The following WASHC2A variants were observed in gnomAD, a reference collection of about 807,000 sequenced individuals.
WASHC2A encodes WASH complex subunit FAM21A.
WASHC2A carries 82 observed loss-of-function variants against 140.3 expected under a neutral mutation model. The ratio of observed to expected loss-of-function variants is 0.58; its 90% confidence interval spans 0.49 to 0.70. The LOEUF (loss-of-function observed/expected upper bound fraction) is 0.70. Ranked by LOEUF, WASHC2A falls within the 30% of genes least tolerant of loss-of-function variation. WASHC2A has a pLI of 0.00. For synonymous variants in WASHC2A, 340 were observed against 560.8 expected (o/e 0.61, Z 5.56); for missense variants, 985 against 1,521.8 (o/e 0.65, Z 5.87).
At chr10:50,080,977 G>A in intron 5 of WASHC2A, 46 bp downstream of exon 5, 1 of 384,844 alleles carries the variant, frequency 2.6e-6, no homozygotes, top group South Asian at 2.2e-5. Context: ...TATTATGTTT[G>A]GGCTACTTTA....
At position 50,095,796 on chromosome 10, in the gene WASHC2A, C is replaced by T. The variant is rs1265791858; in HGVS notation, c.1420+18C>T. Reference sequence around the variant, plus strand: ...TAAAACAGGTATGTGTTCCTGCCTCCGTTTCTAGGACTTCAGCCAGAAAAA... The same window carrying T: ...TAAAACAGGTATGTGTTCCTGCCTCTGTTTCTAGGACTTCAGCCAGAAAAA... On this transcript the variant is annotated intron_variant, in intron 15 of 30. Transcript: ENST00000282633. The T allele has an allele frequency of 6.1e-4, 967 of 1,591,910 alleles. 4 individuals carry two copies. The African/African-American group carries it at 0.011, about 18-fold the overall frequency.
chr10:50,114,452 A>G (rs1589259279), intron 21 of WASHC2A, among the ~76,000 whole-genome samples: 1 of 121,504 alleles, frequency 8.2e-6, no homozygotes, highest in Admixed American at 9.0e-5. Context: ...GTCCTAGTAC[A>G]GTTAGACTGT....
In WASHC2A at chr10:50,129,531, C is replaced by T; in HGVS notation, c.3200C>T (p.Ala1067Val). 2 of 1,612,018 alleles carry T rather than the reference C, an allele frequency of 1.2e-6. No homozygotes were observed. Among genetic ancestry groups the T allele is most frequent in the Admixed American group, 1.7e-5 (1 of 60,016 alleles). ...EDMSVPRGPI[A>V]QWADGAISPN... ...ATGAGCGTCCCCAGAGGACCCATTG[C>T]ACAGTGGGCTGATGGCGCCATTTCC... The change falls in exon 29 of 31, where the codon GCA becomes GTA. Residue 1067 changes from alanine to valine, a missense_variant. Coordinates refer to ENST00000282633, the MANE Select transcript of WASHC2A (RefSeq NM_001005751.3).
At chr10:50,076,220 C>T (rs1187785498) in intron 3 of WASHC2A, among the ~76,000 whole-genome samples, 11 of 152,328 alleles carry the variant, frequency 7.2e-5, no homozygotes, top group Non-Finnish European at 1.2e-4. Flanking sequence ...GGATTACAGG[C>T]GTGAGCCTCC....
At chr10:50,111,898 C>T (rs1842319216) in intron 20 of WASHC2A, among the ~76,000 whole-genome samples, 4 of 152,164 alleles carry the variant, frequency 2.6e-5, no homozygotes, top group South Asian at 2.1e-4. Context: ...CGTCATGTCA[C>T]GCACCTGTAA....
rs200437064 is a variant in WASHC2A, at chr10:50,092,189, G to A, written c.959G>A (p.Arg320Gln). 9,378 of 1,595,540 alleles carry A rather than the reference G, an allele frequency of 5.9e-3. 28 individuals carry two copies. The highest frequency in any genetic ancestry group is 5.8e-3 in the Non-Finnish European group (6,834 of 1,168,530). ...TTLPSGEAKPRKTLKEKKERR... is the reference protein window; with the variant it reads ...TTLPSGEAKPQKTLKEKKERR... The stretch of plus-strand genomic sequence containing the variant: ...TTACCCTCAGGAGAAGCAAAACCTC[G>A]GAAGACACTCAAAGAGAAGAAGGAA... Residue 320 changes from arginine (R) to glutamine (Q), a missense_variant, in exon 11 of 31, where the codon CGG becomes CAG. Coordinates refer to ENST00000282633, the MANE Select transcript of WASHC2A (RefSeq NM_001005751.3).
chr10:50,129,878 G>C lies in WASHC2A; in HGVS notation c.3547G>C (p.Asp1183His), dbSNP rs1451456135. 3 of 1,611,922 alleles carry C rather than the reference G, an allele frequency of 1.9e-6. No individual in the cohort carries two copies. The highest frequency in any genetic ancestry group is 2.5e-6 in the Non-Finnish European group (3 of 1,179,876). ...TCTAGGTGAGGCCAGCAGTGATGAT[G>C]ATCTCTTTCAGTCTGCTAAACCAAA... ...PALGEASSDD[D>H]LFQSAKPKPA... The change falls in exon 29 of 31, where the codon GAT (aspartate) becomes CAT (histidine). Residue 1183 changes from aspartate (D) to histidine (H), a missense_variant. Physicochemically the swap from Asp to His is moderately conservative, Grantham distance 81 (BLOSUM62 -1). Coordinates refer to ENST00000282633, the MANE Select transcript of WASHC2A (RefSeq NM_001005751.3).
chr10:50,107,488 G>C (rs1362303744), intron 19 of WASHC2A, among the ~76,000 whole-genome samples: 3 of 151,570 alleles, frequency 2.0e-5, no homozygotes, highest in Non-Finnish European at 4.4e-5. Context: ...ATCTTCCTGT[G>C]TTATAATAAT....
chr10:50,125,348 C>T (rs1414947384), intron 24 of WASHC2A, 21 bp from the exon 25 acceptor site: 1 of 1,600,286 alleles, frequency 6.2e-7, no homozygotes, highest in Non-Finnish European at 8.5e-7. Context: ...GGATATTGAA[C>T]TTGGGTCTTG....
intron 29 of WASHC2A, 100 bp from the exon 30 acceptor site, chr10:50,130,801 A>G (rs1040788995): frequency 2.1e-5 from 33 of 1,570,368 alleles, no homozygotes; most frequent in Non-Finnish European, 2.9e-5. Flanking sequence ...GCTGTTCCAC[A>G]CACCCTGGCC....
intron 28 of WASHC2A, among the ~76,000 whole-genome samples, chr10:50,129,184 T>G (rs1843709301): frequency 1.3e-5 from 2 of 152,134 alleles, no homozygotes; most frequent in Non-Finnish European, 2.9e-5. Context: ...CTGAGAAGAT[T>G]AAAAAATGGA....
At chr10:50,091,965 G>GCTT in intron 10 of WASHC2A, among the ~76,000 whole-genome samples, 197 bp from the exon 11 acceptor site, 1 of 145,146 alleles carries the variant, frequency 6.9e-6, no homozygotes, top group South Asian at 2.2e-4. Context: ...AAAGCAGAAG[G>GCTT]CTTCTGCCTT....
At chr10:50,074,697 G>A (rs1554877195) in intron 3 of WASHC2A, among the ~76,000 whole-genome samples, 1 of 152,098 alleles carries the variant, frequency 6.6e-6, no homozygotes, top group African/African-American at 2.4e-5. Context: ...GGCGGATCAC[G>A]AGGTCAGGAG....
Position 50,069,725 on chromosome 10 carries a change from T to A in WASHC2A, c.291+14T>A, listed in dbSNP as rs1554875600. On this transcript the variant is annotated intron_variant, in intron 3 of 30. Transcript: ENST00000282633. Reference sequence around the variant, plus strand: ...TTCATTGAGAATGTGAGTTATTTAGTTATATTATCATTCCTTTTTTGGGAG... The same window carrying A: ...TTCATTGAGAATGTGAGTTATTTAGATATATTATCATTCCTTTTTTGGGAG... 6 of 1,607,782 alleles carry A rather than the reference T, an allele frequency of 3.7e-6. No homozygotes were observed. Among genetic ancestry groups the A allele is most frequent in the Non-Finnish European group, 5.1e-6 (6 of 1,177,014 alleles).
At chr10:50,106,557 C>G in intron 19 of WASHC2A, 92 bp downstream of exon 19, 1 of 1,545,966 alleles carries the variant, frequency 6.5e-7, no homozygotes, top group Non-Finnish European at 8.7e-7. Flanking sequence ...TGTTTTATAT[C>G]TCGTGATGTT....
intron 29 of WASHC2A, among the ~76,000 whole-genome samples, chr10:50,130,683 A>G (rs1339265358): frequency 6.6e-6 from 1 of 152,180 alleles, no homozygotes; most frequent in African/African-American, 2.4e-5. Context: ...CAGGACTGGT[A>G]GAGAAGGTGT....
intron 20 of WASHC2A, among the ~76,000 whole-genome samples, chr10:50,110,752 G>A (rs1462712302): frequency 2.0e-5 from 3 of 151,768 alleles, no homozygotes; most frequent in African/African-American, 7.3e-5. Context: ...AATTAGCCGG[G>A]TGTGGTGGCA....
intron 21 of WASHC2A, among the ~76,000 whole-genome samples, chr10:50,116,366 A>G (rs1206890694): frequency 2.5e-5 from 2 of 80,134 alleles, no homozygotes; most frequent in Non-Finnish European, 2.4e-5. Flanking sequence ...TCCAGGCTGG[A>G]GTGCAGTGGC....
At position 50,095,144 on chromosome 10, in the gene WASHC2A, C is replaced by G; in HGVS notation, c.1181-4C>G. 1 of 1,568,250 alleles carries G rather than the reference C, an allele frequency of 6.4e-7. No homozygotes were observed. Among genetic ancestry groups the G allele is most frequent in the Non-Finnish European group, 8.7e-7 (1 of 1,152,964 alleles). ...AATGGTTACCCCTTGCTTTCTCATT[C>G]TAGAGTCTTCATCATCCAAACCTGG... On this transcript the variant is annotated splice_region_variant and splice_polypyrimidine_tract_variant and intron_variant, in intron 13 of 30. Coordinates refer to ENST00000282633, the MANE Select transcript of WASHC2A (RefSeq NM_001005751.3).
Sources: gnomAD v4.1 joint callset for allele counts (sites outside exome capture counted in the v4.1 genomes callset) on GRCh38, gnomAD v4.1.1 for gene constraint, MANE v1.5 for transcripts, NCBI Gene and HGNC (gene_info 2026-07-23, HGNC 2026-07-21) for gene names.